The following ASIC2 variants were observed in gnomAD, a reference collection of about 807,000 sequenced individuals.
The protein encoded by ASIC2 is acid-sensing ion channel 2.
In ASIC2, 25 loss-of-function variants were observed where a neutral mutation model predicts 57.3. The observed-to-expected ratio is 0.44, with a 90% confidence interval of 0.32 to 0.61. The LOEUF is 0.61. ASIC2 is among the 20% of genes least tolerant of loss of function. ASIC2 has a pLI of 0.06. For synonymous variants in ASIC2, 319 were observed against 307.5 expected (o/e 1.04, Z -0.39); for missense variants, 641 against 738.1 (o/e 0.87, Z 1.52).
chr17:33,141,677 T>G (rs1171689260), intron 1 of ASIC2, among the ~76,000 whole-genome samples: 1 of 152,232 alleles, frequency 6.6e-6, no homozygotes, highest in Non-Finnish European at 1.5e-5. Flanking sequence ...GGGATGGCGG[T>G]AGCTCCCAGC....
At chr17:34,020,156 T>C (rs1335817641) in intron 1 of ASIC2, among the ~76,000 whole-genome samples, 3 of 152,240 alleles carry the variant, frequency 2.0e-5, no homozygotes, top group Non-Finnish European at 4.4e-5. Flanking sequence ...AACAGCATAA[T>C]TGCAGTTTGC....
At chr17:33,710,684 T>A (rs1026466377) in intron 1 of ASIC2, among the ~76,000 whole-genome samples, 12 of 152,320 alleles carry the variant, frequency 7.9e-5, no homozygotes, top group South Asian at 6.2e-4. Context: ...TATAAACTAA[T>A]CATCTGATTT....
chr17:34,130,627 C>T (rs983542253), intron 1 of ASIC2, among the ~76,000 whole-genome samples: 1 of 152,244 alleles, frequency 6.6e-6, no homozygotes, highest in Non-Finnish European at 1.5e-5. Context: ...AGCATTTCCT[C>T]TTCCAAACTC....
chr17:33,277,500 C>T lies in ASIC2; in HGVS notation c.708+13908G>A, dbSNP rs540550644. Among the ~76,000 whole-genome samples the T allele has an allele frequency of 3.3e-5, 5 of 152,322 alleles. No individual in the cohort carries two copies. The South Asian group carries it at 1.0e-3, about 32-fold the overall frequency. ...GAAGATAACAGACGTGAAAGATGTG[C>T]AAGTTCTCTGCGGAACACAATGCCA... On this transcript the variant is annotated intron_variant, in intron 1 of 9. Transcript: ENST00000225823.
intron 1 of ASIC2, among the ~76,000 whole-genome samples, chr17:33,520,347 C>A (rs570565264): frequency 2.0e-5 from 3 of 152,318 alleles, no homozygotes; most frequent in African/African-American, 7.2e-5. Flanking sequence ...TCTGCACCTG[C>A]AGAACATACG....
At chr17:33,981,507 G>A (rs182554265) in intron 1 of ASIC2, among the ~76,000 whole-genome samples, 40 of 152,278 alleles carry the variant, frequency 2.6e-4, no homozygotes, top group African/African-American at 9.6e-4. Flanking sequence ...ATGGCTGTTC[G>A]AAGACCAAAA....
At chr17:33,801,877 CAACT>C (rs2142146270) in intron 1 of ASIC2, among the ~76,000 whole-genome samples, 1 of 152,286 alleles carries the variant, frequency 6.6e-6, no homozygotes, top group South Asian at 2.1e-4. Flanking sequence ...AGACAGAAAG[CAACT>C]TGTTTAACTT....
intron 1 of ASIC2, among the ~76,000 whole-genome samples, chr17:33,475,616 T>C (rs1270759212): frequency 2.0e-5 from 3 of 152,250 alleles, no homozygotes; most frequent in Admixed American, 6.5e-5. Flanking sequence ...GGTTCACTCT[T>C]GATTTAAGAA....
chr17:33,679,014 GC>G, intron 1 of ASIC2, among the ~76,000 whole-genome samples: 1 of 152,194 alleles, frequency 6.6e-6, no homozygotes, highest in Non-Finnish European at 1.5e-5. Flanking sequence ...TTGTCTACAA[GC>G]AAGGTGACTT....
intron 1 of ASIC2, chr17:33,681,026 C>T (rs542979033): frequency 6.6e-6 from 1 of 152,324 alleles, no homozygotes; most frequent in East Asian, 1.9e-4. Flanking sequence ...CAGGAACCAA[C>T]CAGATAGGGA....
intron 1 of ASIC2, chr17:33,533,349 A>G (rs1915119900): frequency 6.8e-6 from 1 of 147,716 alleles, no homozygotes; most frequent in Admixed American, 6.7e-5. Context: ...GAAAGAAAGA[A>G]AAAATAAGCT....
In ASIC2 at chr17:33,412,786, C is replaced by T. The variant is rs114273271; in HGVS notation, c.556-300719G>A. 2.7e-3 allele frequency among the ~76,000 whole-genome samples: 414 copies of T among 152,116 alleles called. 3 individuals carry two copies. Among genetic ancestry groups the T allele is most frequent in the Middle Eastern group, 0.017 (5 of 294 alleles). ...GAGACGTTGGTGCCCTATGATAGGT[C>T]CAAGGCCAGAGAGATAAAAGGAATT... On this transcript the variant is annotated intron_variant, in intron 1 of 9. Coordinates refer to the ASIC2 transcript ENST00000359872.
chr17:34,074,790 T>C (rs1909567074), intron 1 of ASIC2, among the ~76,000 whole-genome samples: 1 of 145,986 alleles, frequency 6.8e-6, no homozygotes, highest in Admixed American at 6.8e-5. Context: ...TTCTTTTTTT[T>C]TTTTTTTTTT....
At chr17:33,383,519 C>T (rs1446722286) in intron 1 of ASIC2, among the ~76,000 whole-genome samples, 1 of 152,200 alleles carries the variant, frequency 6.6e-6, no homozygotes, top group Non-Finnish European at 1.5e-5. Context: ...GGCAGAAACT[C>T]ATCCCAATAT....
At chr17:33,899,130 GA>G (rs35843628) in intron 1 of ASIC2, among the ~76,000 whole-genome samples, 170 of 140,790 alleles carry the variant, frequency 1.2e-3, no homozygotes, top group Middle Eastern at 3.5e-3. Context: ...TCCATCTCAG[GA>G]AAAAAAAAAA....
intron 1 of ASIC2, among the ~76,000 whole-genome samples, chr17:33,766,670 T>A (rs923002363): frequency 2.6e-5 from 4 of 152,350 alleles, no homozygotes; most frequent in Middle Eastern, 6.8e-3. Context: ...GCTCTCACTT[T>A]GACTGAGGAG....
chr17:33,391,019 A>G (rs540666122), intron 1 of ASIC2, among the ~76,000 whole-genome samples: 19 of 152,304 alleles, frequency 1.2e-4, no homozygotes, highest in Admixed American at 2.0e-4. Context: ...GCAGACAGAG[A>G]AAGAGGGAGG....
At chr17:33,464,687 C>CTCTCTATATA (rs1264604173) in intron 1 of ASIC2, among the ~76,000 whole-genome samples, 7 of 132,642 alleles carry the variant, frequency 5.3e-5, no homozygotes, top group African/African-American at 2.0e-4. Context: ...CTCTCTCTCT[C>CTCTCTATATA]TATATATATA....
chr17:33,704,318 A>G (rs1383074674), intron 1 of ASIC2, among the ~76,000 whole-genome samples: 2 of 152,238 alleles, frequency 1.3e-5, no homozygotes, highest in South Asian at 4.1e-4. Context: ...ACAAGCATGT[A>G]TAGCTACTGC....
Sources: gnomAD v4.1 joint callset for allele counts (sites outside exome capture counted in the v4.1 genomes callset) on GRCh38, gnomAD v4.1.1 for gene constraint, MANE v1.5 for transcripts, NCBI Gene and HGNC (gene_info 2026-07-23, HGNC 2026-07-21) for gene names.